The following TRPC4 variants were observed in gnomAD, a reference collection of about 807,000 sequenced individuals.
The protein encoded by TRPC4 is transient receptor potential cation channel subfamily C member 4.
TRPC4 carries 49 observed loss-of-function variants against 99.4 expected under a neutral mutation model. The ratio of observed to expected loss-of-function variants is 0.49; its 90% CI spans 0.39 to 0.63. The LOEUF is 0.63. Ranked by LOEUF, TRPC4 falls within the 20% of genes least tolerant of loss-of-function variation. The pLI is 0.00. For synonymous variants in TRPC4, 454 were observed against 425.9 expected (o/e 1.07, Z -0.81); for missense variants, 898 against 1,152.9 (o/e 0.78, Z 3.20).
At chr13:37,666,708 T>C (rs1267121070) in intron 5 of TRPC4, among the ~76,000 whole-genome samples, 1 of 152,232 alleles carries the variant, frequency 6.6e-6, no homozygotes, top group African/African-American at 2.4e-5. Context: ...CTCTGCTATT[T>C]AGGAGCAATT....
intron 4 of TRPC4, among the ~76,000 whole-genome samples, chr13:37,681,193 G>A (rs986617806): frequency 1.3e-5 from 2 of 152,032 alleles, no homozygotes; most frequent in Non-Finnish European, 2.9e-5. Flanking sequence ...TCAACTGTAA[G>A]TTTAGACTAG....
chr13:37,844,703 C>A lies in TRPC4; in HGVS notation c.-28+24892G>T, dbSNP rs192979225. Reference sequence around the variant, plus strand: ...AGGCAAATGCAGGTCAGTGAGTACCCGTGAATAGATCATCTAGTACTGCCA... The same window carrying A: ...AGGCAAATGCAGGTCAGTGAGTACCAGTGAATAGATCATCTAGTACTGCCA... On this transcript the variant is annotated intron_variant, in intron 1 of 10. Coordinates refer to ENST00000379705, the MANE Select transcript of TRPC4 (RefSeq NM_016179.4). Among the ~76,000 whole-genome samples, 3 of 152,124 alleles carry A rather than the reference C, an allele frequency of 2.0e-5. No homozygotes were observed. The East Asian group carries it at 5.8e-4, about 29-fold the overall frequency.
intron 3 of TRPC4, among the ~76,000 whole-genome samples, chr13:37,722,715 CATTA>C (rs548859576): frequency 6.6e-5 from 10 of 152,012 alleles, no homozygotes; most frequent in Admixed American, 6.6e-4. Context: ...GCGATAAATA[CATTA>C]ATTAAGATCA....
At chr13:37,772,836 T>A (rs928227305) in intron 2 of TRPC4, among the ~76,000 whole-genome samples, 1 of 151,860 alleles carries the variant, frequency 6.6e-6, no homozygotes, top group African/African-American at 2.4e-5. Context: ...GTCTGTCAAC[T>A]TGCTGCATCA....
chr13:37,793,959 G>A (rs765806376), intron 1 of TRPC4, among the ~76,000 whole-genome samples: 1 of 152,086 alleles, frequency 6.6e-6, no homozygotes, highest in African/African-American at 2.4e-5. Context: ...AAAATAGAGA[G>A]ACTCAAAAGC....
chr13:37,721,890 G>A (rs1460437779), intron 3 of TRPC4, among the ~76,000 whole-genome samples: 1 of 151,874 alleles, frequency 6.6e-6, no homozygotes, highest in Admixed American at 6.6e-5. Context: ...TCCCACCTTG[G>A]CCTCCCAAAA....
intron 1 of TRPC4, among the ~76,000 whole-genome samples, chr13:37,863,166 C>T (rs1959500234): frequency 6.6e-6 from 1 of 151,370 alleles, no homozygotes; most frequent in Non-Finnish European, 1.5e-5. Context: ...CTAATGATGC[C>T]TTTCTCAGGA....
Position 37,692,200 on chromosome 13 carries a change from C to G in TRPC4, c.1033G>C (p.Val345Leu), listed in dbSNP as rs202061150. The G allele has an allele frequency of 1.4e-5, 22 of 1,613,958 alleles. No homozygotes were observed. Among genetic ancestry groups the G allele is most frequent in the Non-Finnish European group, 6.8e-6 (8 of 1,180,026 alleles). ...CTTTTGGGAGCTATCAGGTAGCACA[C>G]AGAGAAGACAGGAAAAAGAAGTCCT... ...IIGLLFPVFSVCYLIAPKSPL... is the reference protein window; with the variant it reads ...IIGLLFPVFSLCYLIAPKSPL... The change falls in exon 4 of 11, where the codon GTG becomes CTG. Residue 345 changes from valine to leucine, a missense_variant. Val to Leu is a conservative substitution (Grantham distance 32). Around this residue, in one of 3 missense-constraint regions of TRPC4, gnomAD observed 274 missense variants for 454.9 expected, o/e 0.60. Coordinates refer to ENST00000379705, the MANE Select transcript of TRPC4 (RefSeq NM_016179.4).
intron 1 of TRPC4, among the ~76,000 whole-genome samples, chr13:37,795,399 G>A (rs906370693): frequency 6.6e-6 from 1 of 152,164 alleles, no homozygotes; most frequent in Non-Finnish European, 1.5e-5. Flanking sequence ...AGGTGGAGGA[G>A]GAGCCTTGTT....
At chr13:37,846,990 A>T (rs1249758672) in intron 1 of TRPC4, among the ~76,000 whole-genome samples, 1 of 152,132 alleles carries the variant, frequency 6.6e-6, no homozygotes, top group African/African-American at 2.4e-5. Context: ...AAAGGAATTG[A>T]TTCACCAAGA....
intron 3 of TRPC4, among the ~76,000 whole-genome samples, chr13:37,734,562 C>T (rs887445978): frequency 2.6e-5 from 4 of 152,048 alleles, no homozygotes; most frequent in African/African-American, 7.2e-5. Flanking sequence ...AGAAGGACCA[C>T]GTGTTTGAGA....
intron 5 of TRPC4, among the ~76,000 whole-genome samples, chr13:37,665,668 T>G (rs1017147904): frequency 6.6e-6 from 1 of 152,092 alleles, no homozygotes; most frequent in Non-Finnish European, 1.5e-5. Flanking sequence ...AGAGATGATG[T>G]ATTGTCAAAG....
intron 1 of TRPC4, among the ~76,000 whole-genome samples, chr13:37,814,545 A>C (rs1957788883): frequency 6.6e-6 from 1 of 151,842 alleles, no homozygotes; most frequent in African/African-American, 2.4e-5. Context: ...CTATAGAAAC[A>C]GTTCCATGTA....
chr13:37,658,161 G>C (rs965401684), intron 6 of TRPC4, among the ~76,000 whole-genome samples: 2 of 152,040 alleles, frequency 1.3e-5, no homozygotes, highest in Non-Finnish European at 2.9e-5. Flanking sequence ...ATGCCTTTAC[G>C]TGACTAATAT....
chr13:37,723,148 T>G (rs1954931954), intron 3 of TRPC4, among the ~76,000 whole-genome samples: 1 of 152,184 alleles, frequency 6.6e-6, no homozygotes. Flanking sequence ...AACATCTTTA[T>G]AATCTTGTCC....
intron 1 of TRPC4, among the ~76,000 whole-genome samples, chr13:37,806,985 T>C (rs1335562941): frequency 6.6e-6 from 1 of 152,028 alleles, no homozygotes; most frequent in Non-Finnish European, 1.5e-5. Flanking sequence ...AACTGTCTAA[T>C]GAAAACTCCA....
intron 1 of TRPC4, among the ~76,000 whole-genome samples, chr13:37,822,689 G>A (rs1958051624): frequency 6.6e-6 from 1 of 151,982 alleles, no homozygotes. Context: ...ATTTGGGTTG[G>A]TTCCAAGTCT....
At chr13:37,665,840 CAAA>C (rs1168472231) in intron 5 of TRPC4, among the ~76,000 whole-genome samples, 108 of 71,016 alleles carry the variant, frequency 1.5e-3, no homozygotes, top group African/African-American at 4.0e-3. Flanking sequence ...TCAGCTGAGA[CAAA>C]AAAAAAAAAA....
intron 4 of TRPC4, among the ~76,000 whole-genome samples, chr13:37,691,640 T>C (rs1297654283): frequency 6.6e-6 from 1 of 152,238 alleles, no homozygotes; most frequent in East Asian, 1.9e-4. Flanking sequence ...GTAATCTGCA[T>C]GTACTTTTAG....
Sources: gnomAD v4.1 joint callset for allele counts (sites outside exome capture counted in the v4.1 genomes callset) on GRCh38, gnomAD v4.1.1 for gene constraint, gnomAD v4.1.1 regional missense constraint, MANE v1.5 for transcripts, NCBI Gene and HGNC (gene_info 2026-07-23, HGNC 2026-07-21) for gene names.